MTM1: variants seen among roughly 807,000 people sequenced by gnomAD.
The protein encoded by MTM1 is myotubularin.
Under a neutral mutation model 52.1 loss-of-function variants are expected in MTM1, and 9 were observed. The observed-to-expected ratio is 0.17, with a 90% CI of 0.10 to 0.30. MTM1 has a LOEUF of 0.30. MTM1 is among the 10% of genes least tolerant of loss of function. MTM1 has a pLI of 1.00. For synonymous variants in MTM1, 136 were observed against 163.8 expected (o/e 0.83, Z 1.29); for missense variants, 277 against 470.7 (o/e 0.59, Z 3.81).
At chrX:150,670,946 A>G (rs181953038) in intron 14 of MTM1, among the ~76,000 whole-genome samples, 21 of 112,180 alleles carry the variant, frequency 1.9e-4, no homozygotes, top group Non-Finnish European at 1.3e-4. Flanking sequence ...CAAAATGTCA[A>G]TTGATAAATA....
intron 4 of MTM1, among the ~76,000 whole-genome samples, 164 bp from the exon 5 acceptor site, chrX:150,614,425 A>C (rs2039344757): frequency 8.9e-6 from 1 of 112,086 alleles, no homozygotes; most frequent in Non-Finnish European, 1.9e-5. Context: ...TGACTGTTTT[A>C]ATGCTTGCTC....
intron 4 of MTM1, among the ~76,000 whole-genome samples, chrX:150,613,419 A>G (rs1254558108): frequency 9.0e-6 from 1 of 111,139 alleles, no homozygotes; most frequent in Non-Finnish European, 1.9e-5. Context: ...TAAAAACTGT[A>G]TACTTGTTCC....
intron 1 of MTM1, among the ~76,000 whole-genome samples, chrX:150,574,631 C>T (rs1437740703): frequency 8.9e-6 from 1 of 112,004 alleles, no homozygotes. Context: ...AATAATGACA[C>T]GTTTTTCCTT....
At chrX:150,659,131 G>T (rs1178491878) in intron 11 of MTM1, among the ~76,000 whole-genome samples, 1 of 112,250 alleles carries the variant, frequency 8.9e-6, no homozygotes, top group Non-Finnish European at 1.9e-5. Context: ...GGGATTACAG[G>T]CATGAGCCAC....
chrX:150,629,621 G>A (rs782800667), intron 6 of MTM1, among the ~76,000 whole-genome samples: 35 of 112,168 alleles, frequency 3.1e-4, no homozygotes, highest in African/African-American at 7.8e-4. Context: ...CGAATTAATC[G>A]GAATCAGTAG....
intron 6 of MTM1, among the ~76,000 whole-genome samples, chrX:150,622,194 C>CAAAAAAAA (rs10717650): frequency 2.9e-5 from 2 of 68,037 alleles, no homozygotes. Flanking sequence ...AAGAAACTGC[C>CAAAAAAAA]AAAAAAAAAA....
rs782307490 is a variant in MTM1, at chrX:150,671,663, G to A, written c.*68G>A. On this transcript the variant is annotated 3_prime_UTR_variant, in exon 15 of 15. Coordinates refer to ENST00000370396, the MANE Select transcript of MTM1 (RefSeq NM_000252.3). ...TAGCTGACTTTCATTTGGGGCATTT[G>A]TAAAAAGTAGATTAAAATATTTGCC... 829 of 1,113,367 alleles carry A rather than the reference G, an allele frequency of 7.4e-4. 5 individuals carry two copies. Among genetic ancestry groups the A allele is most frequent in the Admixed American group, 4.0e-4 (18 of 44,722 alleles). 91.8% of individuals were successfully genotyped at this position (1,113,367 alleles called of 1,213,427 possible).
intron 4 of MTM1, among the ~76,000 whole-genome samples, chrX:150,612,450 G>C (rs1439936411): frequency 8.9e-6 from 1 of 111,821 alleles, no homozygotes; most frequent in East Asian, 2.8e-4. Flanking sequence ...CCAATACTTT[G>C]AGAGGCCAAG....
At chrX:150,583,445 A>G in intron 1 of MTM1, among the ~76,000 whole-genome samples, 1 of 32,532 alleles carries the variant, frequency 3.1e-5, no homozygotes, top group Non-Finnish European at 4.7e-5. Flanking sequence ...TAAAAATTAT[A>G]TATATTATAT....
intron 14 of MTM1, among the ~76,000 whole-genome samples, chrX:150,665,885 T>G (rs2040296830): frequency 8.9e-6 from 1 of 112,231 alleles, no homozygotes; most frequent in Admixed American, 9.5e-5. Flanking sequence ...GTAGGAATTT[T>G]GGCTGCCAGT....
intron 1 of MTM1, among the ~76,000 whole-genome samples, chrX:150,578,533 T>C (rs1557411730): frequency 8.9e-6 from 1 of 112,511 alleles, no homozygotes; most frequent in Admixed American, 9.4e-5. Flanking sequence ...AGTATGTCTA[T>C]GTTCCATTTC....
intron 9 of MTM1, among the ~76,000 whole-genome samples, chrX:150,648,003 CTT>C (rs140994329): frequency 0.097 from 10,785 of 111,507 alleles, 387 homozygotes; most frequent in Middle Eastern, 0.13. Flanking sequence ...TCAAGAATCT[CTT>C]TGAAAATCAC....
chrX:150,577,444 G>A (rs2038493124), intron 1 of MTM1, among the ~76,000 whole-genome samples: 1 of 112,479 alleles, frequency 8.9e-6, no homozygotes, highest in Non-Finnish European at 1.9e-5. Flanking sequence ...GGCTTTAATT[G>A]TCTGCCTTTA....
At chrX:150,643,993 A>T (rs5969965) in intron 8 of MTM1, among the ~76,000 whole-genome samples, 45,424 of 109,490 alleles carry the variant, frequency 0.41, 6,854 homozygotes, top group South Asian at 0.58. Context: ...AGGAGAAACA[A>T]CTCAGAGGAG....
At chrX:150,634,306 A>C (rs2039720057) in intron 6 of MTM1, among the ~76,000 whole-genome samples, 2 of 112,752 alleles carry the variant, frequency 1.8e-5, no homozygotes, top group South Asian at 7.3e-4. Flanking sequence ...ATTCTGTTTA[A>C]ATAAACAAAA....
At chrX:150,664,181 T>C (rs1569565538) in intron 14 of MTM1, among the ~76,000 whole-genome samples, 1 of 112,836 alleles carries the variant, frequency 8.9e-6, no homozygotes, top group Non-Finnish European at 1.9e-5. Context: ...CTTTCCATTC[T>C]CCCACCTCCA....
intron 1 of MTM1, among the ~76,000 whole-genome samples, chrX:150,570,554 CT>C (rs1557411416): frequency 9.0e-6 from 1 of 110,994 alleles, no homozygotes; most frequent in African/African-American, 3.3e-5. Flanking sequence ...TTTCAAATAC[CT>C]AGAGAGGTAT....
upstream of MTM1, among the ~76,000 whole-genome samples, chrX:150,566,926 G>T (rs2038270270): frequency 8.9e-6 from 1 of 111,897 alleles, no homozygotes; most frequent in African/African-American, 3.3e-5. Context: ...AGCGTGCTTT[G>T]AAATTCAGCA....
intron 11 of MTM1, 33 bp downstream of exon 11, chrX:150,658,060 T>C: frequency 9.6e-7 from 1 of 1,046,714 alleles, no homozygotes; most frequent in East Asian, 3.0e-5. Context: ...TAAAAATAGA[T>C]CACTACCATT....
Sources: gnomAD v4.1 joint callset for allele counts (sites outside exome capture counted in the v4.1 genomes callset) on GRCh38, gnomAD v4.1.1 for gene constraint, MANE v1.5 for transcripts, NCBI Gene and HGNC (gene_info 2026-07-23, HGNC 2026-07-21) for gene names.